The following CDH13 variants were observed in gnomAD, a reference collection of about 807,000 sequenced individuals.
CDH13 encodes the protein cadherin-13.
Under a neutral mutation model 63.8 loss-of-function variants are expected in CDH13, and 24 were observed. That is an observed-to-expected ratio of 0.38 (90% CI 0.27 to 0.53). CDH13 has a LOEUF of 0.53. Among genes scored for constraint, CDH13 ranks in the 20% least tolerant of loss-of-function variants. The pLI, the probability that CDH13 is intolerant of heterozygous loss-of-function variation, is 0.85. For synonymous variants in CDH13, 503 were observed against 355.3 expected (o/e 1.42, Z -4.67); for missense variants, 1,049 against 903.1 (o/e 1.16, Z -2.07).
At chr16:83,560,179 G>A (rs970199474) in intron 7 of CDH13, among the ~76,000 whole-genome samples, 1 of 152,316 alleles carries the variant, frequency 6.6e-6, no homozygotes, top group East Asian at 1.9e-4. Flanking sequence ...GATAGGAGAG[G>A]TCTCCCTCTC....
intron 1 of CDH13, among the ~76,000 whole-genome samples, chr16:82,667,009 T>C (rs932876100): frequency 6.6e-6 from 1 of 152,198 alleles, no homozygotes; most frequent in Non-Finnish European, 1.5e-5. Flanking sequence ...GCCCTACTGC[T>C]TGCAAGCCAA....
At chr16:83,794,982 T>C (rs892916196) in intron 13 of CDH13, 41 bp from the exon 14 acceptor site, 1 of 1,572,440 alleles carries the variant, frequency 6.4e-7, no homozygotes, top group Non-Finnish European at 8.7e-7. Flanking sequence ...TTGAATTGAG[T>C]GGTGATATTC....
At chr16:83,231,441 C>G (rs890785016) in intron 5 of CDH13, among the ~76,000 whole-genome samples, 1 of 152,204 alleles carries the variant, frequency 6.6e-6, no homozygotes, top group Non-Finnish European at 1.5e-5. Context: ...TGCACGTTAA[C>G]AAGCATAGAT....
At chr16:82,867,776 A>G (rs2040201671) in intron 2 of CDH13, among the ~76,000 whole-genome samples, 1 of 152,220 alleles carries the variant, frequency 6.6e-6, no homozygotes, top group African/African-American at 2.4e-5. Context: ...ATGTCACAAC[A>G]AAGGCTCTTT....
intron 5 of CDH13, among the ~76,000 whole-genome samples, chr16:83,228,869 T>G (rs1177970240): frequency 6.6e-6 from 1 of 152,178 alleles, no homozygotes; most frequent in African/African-American, 2.4e-5. Flanking sequence ...CTGATCCGGT[T>G]GACATGCAGG....
intron 11 of CDH13, among the ~76,000 whole-genome samples, chr16:83,777,794 A>C (rs972124400): frequency 6.6e-6 from 1 of 152,236 alleles, no homozygotes; most frequent in Non-Finnish European, 1.5e-5. Context: ...CTGCAAACTT[A>C]ATATGCGTTT....
At chr16:82,933,480 A>C (rs578013402) in intron 2 of CDH13, among the ~76,000 whole-genome samples, 3 of 152,270 alleles carry the variant, frequency 2.0e-5, no homozygotes, top group Non-Finnish European at 4.4e-5. Flanking sequence ...TTGGGTGGGG[A>C]CACAGAACCA....
Position 83,493,566 on chromosome 16 carries a change from G to A in CDH13, c.960+6911G>A, listed in dbSNP as rs76649731. 3.8e-4 allele frequency among the ~76,000 whole-genome samples: 58 copies of A among 152,318 alleles called. 1 individual carries two copies. The East Asian group carries it at 0.01, about 26-fold the overall frequency. ...GTGCGGAAGCAGAAGGAAGGGCATC[G>A]TGGGGAAAGGAGTGGCATGGACAAA... On this transcript the variant is annotated intron_variant, in intron 7 of 13. Coordinates refer to ENST00000567109, the MANE Select transcript of CDH13 (RefSeq NM_001257.5).
chr16:83,389,983 T>C (rs2091754240), intron 6 of CDH13, among the ~76,000 whole-genome samples: 1 of 152,320 alleles, frequency 6.6e-6, no homozygotes, highest in Admixed American at 6.5e-5. Flanking sequence ...CATTCAGTGA[T>C]AAGAAAGTCA....
At chr16:83,158,606 C>T (rs2037315327) in intron 4 of CDH13, among the ~76,000 whole-genome samples, 1 of 152,238 alleles carries the variant, frequency 6.6e-6, no homozygotes, top group African/African-American at 2.4e-5. Context: ...GGTAGATATA[C>T]TGCTCCAGCG....
At chr16:83,749,727 T>G (rs1348279870) in intron 11 of CDH13, among the ~76,000 whole-genome samples, 1 of 152,122 alleles carries the variant, frequency 6.6e-6, no homozygotes, top group Non-Finnish European at 1.5e-5. Flanking sequence ...GTCCTTGTGT[T>G]CAGAGGGCTC....
intron 1 of CDH13, among the ~76,000 whole-genome samples, chr16:82,640,250 T>C (rs1210626001): frequency 2.0e-5 from 3 of 152,186 alleles, no homozygotes; most frequent in African/African-American, 4.8e-5. Flanking sequence ...TTCTATAGCA[T>C]AGAGATGAAA....
chr16:82,884,366 C>G (rs2040810732), intron 2 of CDH13: 3 of 359,762 alleles, frequency 8.3e-6, no homozygotes, highest in African/African-American at 2.1e-5. Context: ...GTTCTTCTAA[C>G]CAGGAGAGCT....
At chr16:83,554,658 A>G (rs2075568705) in intron 7 of CDH13, among the ~76,000 whole-genome samples, 2 of 152,036 alleles carry the variant, frequency 1.3e-5, no homozygotes, top group Admixed American at 6.6e-5. Context: ...ACCTTGCACA[A>G]AGGCCATCAC....
At chr16:83,591,634 C>G (rs1316963716) in intron 7 of CDH13, among the ~76,000 whole-genome samples, 1 of 152,180 alleles carries the variant, frequency 6.6e-6, no homozygotes, top group Non-Finnish European at 1.5e-5. Flanking sequence ...TCTGAATTCT[C>G]TCCCCTCACA....
intron 2 of CDH13, among the ~76,000 whole-genome samples, chr16:82,890,501 A>C (rs964332616): frequency 1.3e-5 from 2 of 152,320 alleles, no homozygotes; most frequent in African/African-American, 4.8e-5. Flanking sequence ...GGTGTCAGCT[A>C]TGGAGTCATC....
intron 7 of CDH13, among the ~76,000 whole-genome samples, chr16:83,499,556 A>G (rs777704067): frequency 2.0e-5 from 3 of 152,250 alleles, no homozygotes; most frequent in Admixed American, 6.5e-5. Context: ...ATCATTGTTA[A>G]TGCTCCCTGA....
At chr16:83,546,556 A>C (rs886649669) in intron 7 of CDH13, among the ~76,000 whole-genome samples, 2 of 151,814 alleles carry the variant, frequency 1.3e-5, no homozygotes, top group African/African-American at 4.8e-5. Context: ...GCCAGATAAC[A>C]TCTTGGGATT....
At chr16:82,802,637 C>T (rs1455666563) in intron 1 of CDH13, among the ~76,000 whole-genome samples, 1 of 152,112 alleles carries the variant, frequency 6.6e-6, no homozygotes, top group African/African-American at 2.4e-5. Flanking sequence ...TCTTTGTCTC[C>T]AACCGCATCT....
Sources: allele counts gnomAD v4.1 joint callset (sites outside exome capture counted in the v4.1 genomes callset), GRCh38; gene constraint gnomAD v4.1.1; transcripts MANE v1.5; gene names NCBI Gene and HGNC (gene_info 2026-07-23, HGNC 2026-07-21).